Variants in ELOVL4 observed in about 807,000 individuals in gnomAD.
The protein encoded by ELOVL4 is ELOVL fatty acid elongase 4, also known as very long chain fatty acid elongase 4.
ELOVL4 carries 18 observed loss-of-function variants against 42.1 expected under a neutral mutation model. The observed-to-expected ratio is 0.43, with a 90% CI of 0.30 to 0.63. The LOEUF (loss-of-function observed/expected upper bound fraction) is 0.63. Ranked by LOEUF, ELOVL4 falls within the 30% of genes least tolerant of loss-of-function variation. The pLI is 0.15. For synonymous variants in ELOVL4, 117 were observed against 127.0 expected (o/e 0.92, Z 0.53); for missense variants, 299 against 376.2 (o/e 0.79, Z 1.70).
chr6:79,947,058 C>G, intron 1 of ELOVL4, 122 bp downstream of exon 1: 1 of 804,876 alleles, frequency 1.2e-6, no homozygotes, highest in South Asian at 1.5e-5. Flanking sequence ...CTCCGCTGAT[C>G]CGCAGCATCC....
intron 5 of ELOVL4, 25 bp downstream of exon 5, chr6:79,919,395 G>A (rs751499920): frequency 6.2e-7 from 1 of 1,612,652 alleles, no homozygotes; most frequent in Admixed American, 1.7e-5. Flanking sequence ...TTTACCAGAA[G>A]AAACTTTGGA....
At position 79,919,523 on chromosome 6, in the gene ELOVL4, G is replaced by C; in HGVS notation, c.566C>G (p.Ser189Cys). The change falls in exon 5 of 6, where the codon TCC becomes TGC. Residue 189 changes from serine to cysteine, a missense_variant. Coordinates refer to ENST00000369816, the MANE Select transcript of ELOVL4 (RefSeq NM_022726.4). ...TGAGTACATAATCACATGGATAAAG[G>C]AATTCAACTGGGCTCCAAAAAATGC... is the stretch of plus-strand genomic sequence containing the variant. ...GQAFFGAQLNSFIHVIMYSYY... is the reference protein window; with the variant it reads ...GQAFFGAQLNCFIHVIMYSYY... 6.2e-7 allele frequency: 1 copy of C among 1,613,474 alleles called. No homozygotes were observed. The highest frequency in any genetic ancestry group is 1.1e-5 in the South Asian group (1 of 90,978).
rs192782397 is a variant in ELOVL4 at position 79,922,822 on chromosome 6, G to C, written c.370-1026C>G. ...TGAAAAACAAAATTATAATTTTAAAGTATGGGGAAAGAAGAAACAGAAAGC... is the reference window on the plus strand; with the variant it reads ...TGAAAAACAAAATTATAATTTTAAACTATGGGGAAAGAAGAAACAGAAAGC... On this transcript the variant is annotated intron_variant, in intron 3 of 5. Transcript: ENST00000369816. Among the ~76,000 whole-genome samples, 248 of 152,108 alleles carry C rather than the reference G, an allele frequency of 1.6e-3. 1 individual carries two copies. Among genetic ancestry groups the C allele is most frequent in the Non-Finnish European group, 1.4e-3 (96 of 67,974 alleles).
intron 1 of ELOVL4, among the ~76,000 whole-genome samples, chr6:79,936,170 A>C (rs1365502473): frequency 2.6e-5 from 4 of 152,192 alleles, no homozygotes; most frequent in African/African-American, 9.6e-5. Context: ...ATCTACCATA[A>C]AAAAAGAAGA....
chr6:79,939,159 T>C (rs1774598198), intron 1 of ELOVL4, among the ~76,000 whole-genome samples: 1 of 152,266 alleles, frequency 6.6e-6, no homozygotes, highest in South Asian at 2.1e-4. Context: ...ATAGTCTCTT[T>C]ATAAAGTCAT....
chr6:79,941,793 A>G (rs755797543), intron 1 of ELOVL4, among the ~76,000 whole-genome samples: 1 of 152,246 alleles, frequency 6.6e-6, no homozygotes, highest in African/African-American at 2.4e-5. Context: ...AAATTATGCT[A>G]GATTAAGAGG....
chr6:79,931,499 A>C (rs1774444522), intron 1 of ELOVL4, among the ~76,000 whole-genome samples: 2 of 152,180 alleles, frequency 1.3e-5, no homozygotes, highest in Admixed American at 1.3e-4. Flanking sequence ...TATAGATACA[A>C]ATGCTATATT....
At chr6:79,926,492 G>A (rs191073600) in intron 1 of ELOVL4, 111 bp from the exon 2 acceptor site, 40 of 1,069,976 alleles carry the variant, frequency 3.7e-5, no homozygotes, top group Non-Finnish European at 4.8e-5. Flanking sequence ...GACTAAATAC[G>A]GATCACTGTC....
chr6:79,937,543 C>T (rs765285341), intron 1 of ELOVL4, among the ~76,000 whole-genome samples: 5 of 152,006 alleles, frequency 3.3e-5, no homozygotes, highest in Admixed American at 6.6e-5. Flanking sequence ...GGGATAATAA[C>T]GGTACCGAGC....
intron 1 of ELOVL4, among the ~76,000 whole-genome samples, chr6:79,929,934 TAA>T (rs1335168640): frequency 2.0e-5 from 3 of 152,200 alleles, no homozygotes; most frequent in African/African-American, 4.8e-5. Context: ...GATGAATAAA[TAA>T]AGAGTAGATA....
intron 1 of ELOVL4, among the ~76,000 whole-genome samples, chr6:79,946,932 G>A (rs934600649): frequency 3.3e-5 from 5 of 152,206 alleles, no homozygotes; most frequent in Non-Finnish European, 7.3e-5. Flanking sequence ...CCGCATCCGA[G>A]AGCTGATGAG....
intron 3 of ELOVL4, among the ~76,000 whole-genome samples, chr6:79,923,241 T>C (rs1270201949): frequency 6.6e-6 from 1 of 152,188 alleles, no homozygotes; most frequent in Non-Finnish European, 1.5e-5. Flanking sequence ...CGTAAAATAT[T>C]CACTCTATTG....
At chr6:79,918,401 G>C (rs1774194952) in intron 5 of ELOVL4, among the ~76,000 whole-genome samples, 1 of 152,168 alleles carries the variant, frequency 6.6e-6, no homozygotes, top group South Asian at 2.1e-4. Flanking sequence ...ACATGATTTT[G>C]ATCACCTCTT....
At position 79,947,298 on chromosome 6, in the gene ELOVL4, C is replaced by G; in HGVS notation, c.-19G>C. On this transcript the variant is annotated 5_prime_UTR_variant, in exon 1 of 6. Coordinates refer to ENST00000369816, the MANE Select transcript of ELOVL4 (RefSeq NM_022726.4). ...GCCCCATCGCGGCGATGAGCGGGCG[C>G]TGGCGGCAGGAGAAAGCGGAGACCC... The G allele has an allele frequency of 6.3e-7, 1 of 1,599,188 alleles. No homozygotes were observed. Among genetic ancestry groups the G allele is most frequent in the Non-Finnish European group, 8.6e-7 (1 of 1,169,276 alleles).
At position 79,919,781 on chromosome 6, in the gene ELOVL4, T is replaced by C. The variant is rs138740807; in HGVS notation, c.542-234A>G. On this transcript the variant is annotated intron_variant, in intron 4 of 5. Coordinates refer to ENST00000369816, the MANE Select transcript of ELOVL4 (RefSeq NM_022726.4). ...ATATAAATAAAAATGTATGTTCAAA[T>C]GCAAAGGACTTTCACAGTTGTAGGT... is the stretch of plus-strand genomic sequence containing the variant. 4.5e-4 allele frequency among the ~76,000 whole-genome samples: 69 copies of C among 152,286 alleles called. No homozygotes were observed. In the East Asian group the frequency reaches 0.011, roughly 24 times the overall value.
intron 1 of ELOVL4, among the ~76,000 whole-genome samples, chr6:79,940,620 T>G (rs1454519119): frequency 6.6e-6 from 1 of 152,192 alleles, no homozygotes; most frequent in Non-Finnish European, 1.5e-5. Flanking sequence ...ATATCTAGGC[T>G]GCTGTTTTAG....
In ELOVL4 at chr6:79,926,214, T is replaced by C. The variant is rs773881019; in HGVS notation, c.268A>G (p.Asn90Asp). ...CATACCTCTCTGAAGATAAAGAGGTTAAGCAAAACCATCCCAAAATTATAG... is the reference window on the plus strand; with the variant it reads ...CATACCTCTCTGAAGATAAAGAGGTCAAGCAAAACCATCCCAAAATTATAG... ...IIYNFGMVLLNLFIFRELFMG... is the reference protein window; with the variant it reads ...IIYNFGMVLLDLFIFRELFMG... Residue 90 changes from asparagine to aspartate, a missense_variant, in exon 2 of 6, where the codon AAC (asparagine) becomes GAC (aspartate). Physicochemically the swap from Asn to Asp is conservative, Grantham distance 23. Coordinates refer to ENST00000369816, the MANE Select transcript of ELOVL4 (RefSeq NM_022726.4). 6 of 1,613,818 alleles carry C rather than the reference T, an allele frequency of 3.7e-6. No homozygotes were observed. Among genetic ancestry groups the C allele is most frequent in the Non-Finnish European group, 5.1e-6 (6 of 1,179,854 alleles).
At chr6:79,931,182 T>C (rs1373252837) in intron 1 of ELOVL4, among the ~76,000 whole-genome samples, 1 of 152,222 alleles carries the variant, frequency 6.6e-6, no homozygotes, top group African/African-American at 2.4e-5. Context: ...TTATATTTTA[T>C]ACTATTAATA....
At chr6:79,925,431 A>G (rs1463296130) in intron 2 of ELOVL4, among the ~76,000 whole-genome samples, 2 of 152,214 alleles carry the variant, frequency 1.3e-5, no homozygotes, top group Non-Finnish European at 2.9e-5. Flanking sequence ...CATGAAGTTG[A>G]GACTCGAGGC....
Sources: gnomAD v4.1 joint callset for allele counts (sites outside exome capture counted in the v4.1 genomes callset) on GRCh38, gnomAD v4.1.1 for gene constraint, MANE v1.5 for transcripts, NCBI Gene and HGNC (gene_info 2026-07-23, HGNC 2026-07-21) for gene names.